PLD5: variants seen among roughly 807,000 people sequenced by gnomAD.
PLD5 encodes phospholipase D family member 5, also known as inactive phospholipase D5.
In PLD5, 36 loss-of-function variants were observed where a neutral mutation model predicts 61.1. That is an observed-to-expected ratio of 0.59 (90% CI 0.45 to 0.78). The LOEUF (loss-of-function observed/expected upper bound fraction) is 0.78. Among genes scored for constraint, PLD5 ranks in the 30% least tolerant of loss-of-function variants. The probability of loss-of-function intolerance (pLI) is 0.00; values close to 1 mark genes in which losing one functional copy is unlikely to be tolerated. For missense variants in PLD5, 515 were observed against 644.4 expected (o/e 0.80, Z 2.17); for synonymous variants, 243 against 242.8 (o/e 1.00, Z -0.01).
intron 1 of PLD5, among the ~76,000 whole-genome samples, chr1:242,451,017 C>A (rs1666755947): frequency 6.6e-6 from 1 of 152,178 alleles, no homozygotes; most frequent in Non-Finnish European, 1.5e-5. Context: ...ATCCTGAGGT[C>A]CTTTCTCTAG....
chr1:242,245,734 A>G (rs570620408), intron 4 of PLD5, among the ~76,000 whole-genome samples: 2 of 152,284 alleles, frequency 1.3e-5, no homozygotes. Context: ...GGGGGTGGGA[A>G]TGGGAATTTG....
At chr1:242,325,576 C>T (rs1475326981) in intron 2 of PLD5, among the ~76,000 whole-genome samples, 1 of 151,982 alleles carries the variant, frequency 6.6e-6, no homozygotes, top group Non-Finnish European at 1.5e-5. Flanking sequence ...CGGCTCACTT[C>T]AACCTCCGCC....
chr1:242,308,302 G>A (rs1380308731), intron 2 of PLD5, among the ~76,000 whole-genome samples: 6 of 152,062 alleles, frequency 3.9e-5, no homozygotes, highest in Non-Finnish European at 7.4e-5. Context: ...TAGAATCTGC[G>A]TGGGAGACAT....
chr1:242,276,018 T>A (rs970665222), intron 3 of PLD5, among the ~76,000 whole-genome samples: 1 of 151,738 alleles, frequency 6.6e-6, no homozygotes, highest in African/African-American at 2.4e-5. Flanking sequence ...GTTGGTGAAA[T>A]AGGGAAGTAT....
intron 8 of PLD5, 100 bp from the exon 9 acceptor site, chr1:242,100,882 C>CTCAA (rs1260776066): frequency 5.3e-6 from 4 of 751,540 alleles, no homozygotes; most frequent in Non-Finnish European, 6.6e-6. Context: ...AACAATAGAC[C>CTCAA]TCAAGTTGGG....
upstream of PLD5, among the ~76,000 whole-genome samples, chr1:242,528,151 C>A (rs1268812499): frequency 1.3e-5 from 2 of 152,142 alleles, no homozygotes. Context: ...GTACTAGATC[C>A]TTTAATTACT....
chr1:242,529,778 T>TCTTCCTCCCTCCCTTCCTTCCTTC, the PLD5 span, among the ~76,000 whole-genome samples: 18 of 129,868 alleles, frequency 1.4e-4, no homozygotes, highest in African/African-American at 5.4e-4. Context: ...GGCACTGGGA[T>TCTTCCTCCCTCCCTTCCTTCCTTC]CTTCCTTCCT....
chr1:242,338,994 C>A (rs1281905802), intron 2 of PLD5, among the ~76,000 whole-genome samples: 1 of 152,132 alleles, frequency 6.6e-6, no homozygotes, highest in African/African-American at 2.4e-5. Flanking sequence ...TTTATTTTAA[C>A]AACTCCCTTG....
chr1:242,408,859 G>A lies in PLD5; in HGVS notation c.190-60617C>T, dbSNP rs190702501. ...CGAGATGGGCAGATCACAAGGTCAG[G>A]AGTTCGAGACCAGCCTGGCCAACAT... On this transcript the variant is annotated intron_variant, in intron 1 of 9. Coordinates refer to ENST00000536534, the MANE Select transcript of PLD5 (RefSeq NM_001372062.1). Among the ~76,000 whole-genome samples, 1,366 of 152,232 alleles carry A rather than the reference G, an allele frequency of 9.0e-3. 9 individuals are homozygous for A. The highest frequency in any genetic ancestry group is 0.015 in the Non-Finnish European group (1,000 of 68,016).
At position 242,421,129 on chromosome 1, in the gene PLD5, G is replaced by A. The variant is rs376424926; in HGVS notation, c.190-72887C>T. ...CTGGAGGTGAAGGTTGCAGTGATCC[G>A]AGATCACGCCACTGCACTCTAGCCT... On this transcript the variant is annotated intron_variant, in intron 1 of 9. Coordinates refer to ENST00000536534, the MANE Select transcript of PLD5 (RefSeq NM_001372062.1). Among the ~76,000 whole-genome samples the A allele has an allele frequency of 4.2e-3, 572 of 135,956 alleles. 5 individuals carry two copies. The highest frequency in any genetic ancestry group is 0.015 in the African/African-American group (540 of 35,194). 89.2% of individuals were successfully genotyped at this position (135,956 alleles called of 152,430 possible).
chr1:242,245,966 G>A (rs1574602052), intron 4 of PLD5, among the ~76,000 whole-genome samples: 1 of 152,042 alleles, frequency 6.6e-6, no homozygotes, highest in Non-Finnish European at 1.5e-5. Context: ...ATGTTTTAAA[G>A]TACCTATCAC....
chr1:242,206,545 A>G (rs1397203362), intron 5 of PLD5, among the ~76,000 whole-genome samples: 1 of 152,210 alleles, frequency 6.6e-6, no homozygotes, highest in Non-Finnish European at 1.5e-5. Flanking sequence ...CTAATAGCCT[A>G]CTGTTGACCA....
chr1:242,302,424 T>C (rs1487356127), intron 2 of PLD5, among the ~76,000 whole-genome samples: 1 of 152,220 alleles, frequency 6.6e-6, no homozygotes, highest in Non-Finnish European at 1.5e-5. Context: ...TTTTTGAGAA[T>C]TGCTCATTCT....
chr1:242,490,411 T>C (rs576350319), intron 1 of PLD5, among the ~76,000 whole-genome samples: 153 of 152,318 alleles, frequency 1.0e-3, no homozygotes, highest in Admixed American at 1.6e-3. Context: ...TGTGTGCACA[T>C]ACAAATTTTC....
At chr1:242,410,600 T>A (rs952970894) in intron 1 of PLD5, among the ~76,000 whole-genome samples, 7 of 152,162 alleles carry the variant, frequency 4.6e-5, no homozygotes, top group Non-Finnish European at 1.0e-4. Context: ...AAAGAGAGTC[T>A]AATAAATCCC....
intron 1 of PLD5, among the ~76,000 whole-genome samples, chr1:242,400,705 G>A (rs2654888): frequency 0.43 from 64,613 of 151,788 alleles, 14,228 homozygotes; most frequent in African/African-American, 0.54. Context: ...TCCAAGTCCC[G>A]GGATCTTTTC....
intron 5 of PLD5, among the ~76,000 whole-genome samples, chr1:242,143,275 A>G (rs1216331670): frequency 6.6e-6 from 1 of 150,920 alleles, no homozygotes; most frequent in African/African-American, 2.4e-5. Context: ...CTGGTCTTGA[A>G]CTCCTGACCT....
At chr1:242,342,751 CA>C (rs34614263) in intron 2 of PLD5, among the ~76,000 whole-genome samples, 122,558 of 149,180 alleles carry the variant, frequency 0.82, 50,383 homozygotes, top group Non-Finnish European at 0.86. Context: ...TACAAAGAGA[CA>C]AAAAAAAAAA....
In PLD5 at chr1:242,352,002, G is replaced by A. The variant is rs557049765; in HGVS notation, c.190-3760C>T. On this transcript the variant is annotated intron_variant, in intron 1 of 9. Transcript: ENST00000536534. The stretch of plus-strand genomic sequence containing the variant: ...GTACAAAGTGATTTTTTACAATATC[G>A]GTAGAATCATAAGTTATAAAACTGT... Among the ~76,000 whole-genome samples the A allele has an allele frequency of 9.9e-5, 15 of 151,926 alleles. No individual in the cohort carries two copies. In the East Asian group the frequency reaches 1.4e-3, roughly 14 times the overall value.
Sources: allele counts gnomAD v4.1 joint callset (sites outside exome capture counted in the v4.1 genomes callset), GRCh38; gene constraint gnomAD v4.1.1; transcripts MANE v1.5; gene names NCBI Gene and HGNC (gene_info 2026-07-23, HGNC 2026-07-21).